Variants in PCLO observed in about 807,000 individuals in gnomAD.
PCLO encodes the protein protein piccolo.
Under a neutral mutation model 427.5 loss-of-function variants are expected in PCLO, and 82 were observed. The ratio of observed to expected loss-of-function variants is 0.19; its 90% confidence interval spans 0.16 to 0.23. The LOEUF is 0.23. PCLO is among the 10% of genes least tolerant of loss of function. The pLI is 1.00. For missense variants in PCLO, 6,239 were observed against 6,115.9 expected (o/e 1.02, Z -0.67); for synonymous variants, 2,357 against 2,155.4 (o/e 1.09, Z -2.59).
chr7:82,805,446 C>T (rs1475425927), intron 21 of PCLO, among the ~76,000 whole-genome samples: 2 of 152,182 alleles, frequency 1.3e-5, no homozygotes, highest in Non-Finnish European at 2.9e-5. Context: ...GCAGTTTTAA[C>T]ATCAAATACA....
chr7:82,879,838 T>C (rs1302882805), intron 9 of PCLO: 1 of 455,310 alleles, frequency 2.2e-6, no homozygotes, highest in South Asian at 1.6e-5. Flanking sequence ...AGAAGAGCAG[T>C]AATGACTATT....
At chr7:82,799,211 G>A (rs1048468676) in intron 22 of PCLO, among the ~76,000 whole-genome samples, 2 of 152,120 alleles carry the variant, frequency 1.3e-5, no homozygotes, top group African/African-American at 2.4e-5. Flanking sequence ...AGACTAATAC[G>A]AAAATCAATA....
rs1235841182 is a variant in PCLO, at chr7:82,951,446, C to T, written c.9142G>A (p.Glu3048Lys). 1.9e-6 allele frequency: 3 copies of T among 1,587,786 alleles called. No homozygotes were observed. The African/African-American group carries it at 4.0e-5, about 21-fold the overall frequency. Reference protein sequence around the residue: ...YSSKTTGPYPETRQVISGAGI... With the variant: ...YSSKTTGPYPKTRQVISGAGI... ...GCTCCTGAAATGACTTGTCGTGTTTCTGGATATGGACCTGTAGTCTTGCTT... is the reference window on the plus strand; with the variant it reads ...GCTCCTGAAATGACTTGTCGTGTTTTTGGATATGGACCTGTAGTCTTGCTT... Residue 3048 changes from glutamate to lysine, a missense_variant, in exon 6 of 25, where the codon GAA (glutamate) becomes AAA (lysine). By Grantham distance (56) the Glu-to-Lys change is moderately conservative. Coordinates refer to ENST00000333891, the MANE Select transcript of PCLO (RefSeq NM_033026.6).
intron 12 of PCLO, among the ~76,000 whole-genome samples, chr7:82,846,054 A>T (rs1792492930): frequency 6.6e-6 from 1 of 152,148 alleles, no homozygotes; most frequent in Non-Finnish European, 1.5e-5. Flanking sequence ...AATGGATTTA[A>T]CAAATTTGTA....
At chr7:82,855,396 TAAA>T (rs1792776577) in intron 10 of PCLO, among the ~76,000 whole-genome samples, 1 of 151,954 alleles carries the variant, frequency 6.6e-6, no homozygotes. Flanking sequence ...TATCAGTAAA[TAAA>T]AAAACTAATT....
chr7:82,831,260 C>G (rs1360486119), intron 16 of PCLO, among the ~76,000 whole-genome samples: 1 of 151,994 alleles, frequency 6.6e-6, no homozygotes, highest in Non-Finnish European at 1.5e-5. Context: ...GACCAGGATC[C>G]AAACATAGGT....
intron 3 of PCLO, among the ~76,000 whole-genome samples, chr7:82,969,154 T>G (rs2115686642): frequency 6.6e-6 from 1 of 152,184 alleles, no homozygotes; most frequent in South Asian, 2.1e-4. Context: ...GTTGAGAAAA[T>G]AAAACATAGC....
At chr7:83,066,105 A>ACAATGC (rs1204749080) in intron 3 of PCLO, among the ~76,000 whole-genome samples, 1 of 152,160 alleles carries the variant, frequency 6.6e-6, no homozygotes. Context: ...GTGAATAAAC[A>ACAATGC]CAATGCTCTA....
intron 3 of PCLO, among the ~76,000 whole-genome samples, chr7:83,096,346 T>C (rs1790537358): frequency 6.6e-6 from 1 of 152,110 alleles, no homozygotes; most frequent in Non-Finnish European, 1.5e-5. Flanking sequence ...TTTAGTTATC[T>C]GAATTAATAT....
intron 1 of PCLO, among the ~76,000 whole-genome samples, chr7:83,157,379 TCTTA>T (rs1381244854): frequency 6.6e-6 from 1 of 152,150 alleles, no homozygotes; most frequent in Non-Finnish European, 1.5e-5. Flanking sequence ...TATCCATATA[TCTTA>T]CTTAGTGTTT....
intron 2 of PCLO, among the ~76,000 whole-genome samples, chr7:83,145,146 T>C (rs1006724921): frequency 1.6e-4 from 24 of 152,324 alleles, no homozygotes; most frequent in Middle Eastern, 3.4e-3. Context: ...CTGGATTCTA[T>C]TTCTGACAGT....
intron 3 of PCLO, among the ~76,000 whole-genome samples, chr7:83,125,878 C>A (rs1214804109): frequency 1.3e-5 from 2 of 151,270 alleles, no homozygotes; most frequent in African/African-American, 4.9e-5. Flanking sequence ...CAAGAATGAT[C>A]AATAAATACT....
At chr7:83,038,425 T>C (rs1215374471) in intron 3 of PCLO, among the ~76,000 whole-genome samples, 2 of 151,816 alleles carry the variant, frequency 1.3e-5, no homozygotes, top group African/African-American at 2.4e-5. Flanking sequence ...TAATCTGCTT[T>C]CTATCTCTAT....
At chr7:83,026,107 T>C (rs1477384261) in intron 3 of PCLO, among the ~76,000 whole-genome samples, 1 of 151,342 alleles carries the variant, frequency 6.6e-6, no homozygotes, top group African/African-American at 2.4e-5. Context: ...CATAACAATA[T>C]TAACTTTAAA....
chr7:82,867,957 G>A (rs1404942568), intron 10 of PCLO: 2 of 356,916 alleles, frequency 5.6e-6, no homozygotes, highest in Non-Finnish European at 1.1e-5. Context: ...CCAGGGACCA[G>A]TAATTTGTAT....
intron 3 of PCLO, among the ~76,000 whole-genome samples, chr7:83,132,676 C>T (rs1181607558): frequency 6.6e-6 from 1 of 152,062 alleles, no homozygotes; most frequent in East Asian, 1.9e-4. Flanking sequence ...TCAACTCATA[C>T]TACACACCCA....
At chr7:83,043,912 C>CTTTTTT (rs869061778) in intron 3 of PCLO, among the ~76,000 whole-genome samples, 22 of 94,906 alleles carry the variant, frequency 2.3e-4, no homozygotes, top group East Asian at 8.5e-4. Flanking sequence ...CTATTATTTT[C>CTTTTTT]TTTTTTTTTT....
At chr7:82,881,811 T>C (rs1377083144) in intron 9 of PCLO, among the ~76,000 whole-genome samples, 1 of 152,080 alleles carries the variant, frequency 6.6e-6, no homozygotes, top group African/African-American at 2.4e-5. Context: ...CACCTAATTT[T>C]TTTTTATTTT....
At position 83,107,574 on chromosome 7, in the gene PCLO, T is replaced by C. The variant is rs536379765; in HGVS notation, c.3300+26676A>G. On this transcript the variant is annotated intron_variant, in intron 3 of 24. Coordinates refer to ENST00000333891, the MANE Select transcript of PCLO (RefSeq NM_033026.6). ...TTAGGTACAGATATACTCAGTTGAG[T>C]TTATTAAAAAACTTATTTCTTGGAA... Among the ~76,000 whole-genome samples, 9 of 151,854 alleles carry C rather than the reference T, an allele frequency of 5.9e-5. No individual in the cohort carries two copies. The South Asian group carries it at 1.7e-3, about 28-fold the overall frequency.
Sources: allele counts gnomAD v4.1 joint callset (sites outside exome capture counted in the v4.1 genomes callset), GRCh38; gene constraint gnomAD v4.1.1; transcripts MANE v1.5; gene names NCBI Gene and HGNC (gene_info 2026-07-23, HGNC 2026-07-21).